The following ADAMTS9 variants were observed in gnomAD, a reference collection of about 807,000 sequenced individuals.
The protein encoded by ADAMTS9 is ADAM metallopeptidase with thrombospondin type 1 motif 9.
ADAMTS9 carries 107 observed loss-of-function variants against 257.1 expected under a neutral mutation model. The observed-to-expected ratio is 0.42, with a 90% CI of 0.36 to 0.49. The LOEUF (loss-of-function observed/expected upper bound fraction) is 0.49, where lower values mean the gene tolerates loss of function less well. Ranked by LOEUF, ADAMTS9 falls within the 20% of genes least tolerant of loss-of-function variation. The pLI is 0.03. For synonymous variants in ADAMTS9, 982 were observed against 880.9 expected, an observed-to-expected ratio of 1.11 and a Z score of -2.03; for missense variants, 2,353 against 2,469.1, an observed-to-expected ratio of 0.95 and a Z score of 1.00.
intron 11 of ADAMTS9, among the ~76,000 whole-genome samples, chr3:64,644,161 G>T (rs112672298): frequency 6.7e-4 from 102 of 152,308 alleles, no homozygotes; most frequent in African/African-American, 2.5e-3. Context: ...CATGTACACT[G>T]CACTTAATAT....
In ADAMTS9 at chr3:64,686,554, G is replaced by C. The variant is rs1341289997; in HGVS notation, c.516+14C>G. On this transcript the variant is annotated intron_variant, in intron 2 of 39. Coordinates refer to ENST00000498707, the MANE Select transcript of ADAMTS9 (RefSeq NM_182920.2). The surrounding 1 kb of genome is among the most constrained non-coding windows in gnomAD (Gnocchi z 4.6). ...GAGGCGGAAGGGGAGAGGAGGTGGC[G>C]CGCGCCCACTTACCATTCCTGAGCA... The C allele has an allele frequency of 6.3e-7, 1 of 1,584,954 alleles. No homozygotes were observed. The highest frequency in any genetic ancestry group is 1.8e-5 in the Admixed American group (1 of 56,560).
intron 3 of ADAMTS9, among the ~76,000 whole-genome samples, chr3:64,673,007 G>T (rs1053560104): frequency 3.0e-5 from 4 of 132,418 alleles, no homozygotes; most frequent in Admixed American, 2.8e-4. Context: ...TACTGTACAG[G>T]TCTGTAGCCT....
intron 31 of ADAMTS9, 61 bp downstream of exon 31, chr3:64,550,831 T>C: frequency 1.9e-6 from 3 of 1,597,006 alleles, no homozygotes; most frequent in Non-Finnish European, 2.6e-6. Flanking sequence ...CCTCCACTCA[T>C]CCCTCTGCCA....
In ADAMTS9 at chr3:64,608,666, T is replaced by G. The variant is rs545007113; in HGVS notation, c.3355-1587A>C. On this transcript the variant is annotated intron_variant, in intron 22 of 39. Coordinates refer to ENST00000498707, the MANE Select transcript of ADAMTS9 (RefSeq NM_182920.2). ...TTAATCAAAGTCTTCCTCAAAAAGT[T>G]TGTACCAGTTCACTCATGAATTTTA... 5.9e-5 allele frequency among the ~76,000 whole-genome samples: 9 copies of G among 152,216 alleles called. No individual in the cohort carries two copies. The South Asian group carries it at 1.9e-3, about 32-fold the overall frequency.
chr3:64,622,703 G>A lies in ADAMTS9; in HGVS notation c.2390-117C>T, dbSNP rs1334626861. The stretch of plus-strand genomic sequence containing the variant: ...CTGTGCACGGAATGGGGACTTTTGA[G>A]GCAGACAGGCATGGCTTCAAGTCCC... On this transcript the variant is annotated intron_variant, in intron 16 of 39. Coordinates refer to ENST00000498707, the MANE Select transcript of ADAMTS9 (RefSeq NM_182920.2). The A allele has an allele frequency of 8.2e-6, 9 of 1,101,798 alleles. No individual in the cohort carries two copies. The East Asian group carries it at 1.5e-4, about 19-fold the overall frequency. The allele number at this position is 1,101,798 out of a possible 1,614,324, so 68.3% of individuals were successfully genotyped here.
chr3:64,649,568 T>C, intron 10 of ADAMTS9, 69 bp downstream of exon 10: 2 of 1,506,038 alleles, frequency 1.3e-6, no homozygotes, highest in Non-Finnish European at 1.8e-6. Context: ...TAGAATGCAA[T>C]GGAAAACTAT....
At chr3:64,522,131 C>T (rs773651132) in intron 39 of ADAMTS9, 35 bp downstream of exon 39, 2 of 1,589,938 alleles carry the variant, frequency 1.3e-6, no homozygotes, top group Admixed American at 1.7e-5. Flanking sequence ...AAATAAAAGA[C>T]AAATACACAG....
rs567241139 is a variant in ADAMTS9, at chr3:64,597,007, G to A, written c.4018-16C>T. The stretch of plus-strand genomic sequence containing the variant: ...TACTGGAACACTAAACACATCAGTC[G>A]ACAAGTTAATCCCCACCTCAATCTC... On this transcript the variant is annotated splice_polypyrimidine_tract_variant and intron_variant, in intron 26 of 39. Coordinates refer to ENST00000498707, the MANE Select transcript of ADAMTS9 (RefSeq NM_182920.2). 5 of 1,613,086 alleles carry A rather than the reference G, an allele frequency of 3.1e-6. No individual in the cohort carries two copies. In the Admixed American group the frequency reaches 5.0e-5, roughly 16 times the overall value.
rs77108500 is a variant in ADAMTS9, at chr3:64,607,972, G to C, written c.3355-893C>G. Among the ~76,000 whole-genome samples the C allele has an allele frequency of 3.3e-3, 504 of 152,184 alleles. 12 individuals carry two copies. The East Asian group carries it at 0.044, about 13-fold the overall frequency. On this transcript the variant is annotated intron_variant, in intron 22 of 39. Coordinates refer to ENST00000498707, the MANE Select transcript of ADAMTS9 (RefSeq NM_182920.2). ...GGAGTGAGGCAAGAAATCGGTAATAGAAGAAAAACTAGAAAATTCACAAAT... is the reference window on the plus strand; with the variant it reads ...GGAGTGAGGCAAGAAATCGGTAATACAAGAAAAACTAGAAAATTCACAAAT...
At chr3:64,669,924 A>T (rs1400437784) in intron 3 of ADAMTS9, among the ~76,000 whole-genome samples, 1 of 152,214 alleles carries the variant, frequency 6.6e-6, no homozygotes, top group Non-Finnish European at 1.5e-5. Flanking sequence ...AATAACATGA[A>T]ATGTAAGAAT....
intron 12 of ADAMTS9, among the ~76,000 whole-genome samples, chr3:64,636,072 A>T (rs1318678508): frequency 8.3e-6 from 1 of 120,600 alleles, no homozygotes; most frequent in Admixed American, 8.3e-5. Context: ...TTGAACATAA[A>T]GTTTTTTAAA....
rs1326677535 is a variant in ADAMTS9, at chr3:64,602,270, T to C, written c.3748-57A>G. 3.2e-6 allele frequency: 5 copies of C among 1,577,494 alleles called. No homozygotes were observed. The South Asian group carries it at 3.5e-5, about 11-fold the overall frequency. Reference sequence around the variant, plus strand: ...AGTCATTTGGTGGAGGGGTTGACAATTCCTGAATGTGCATTTCTGTAAATG... The same window carrying C: ...AGTCATTTGGTGGAGGGGTTGACAACTCCTGAATGTGCATTTCTGTAAATG... On this transcript the variant is annotated intron_variant, in intron 25 of 39. Coordinates refer to ENST00000498707, the MANE Select transcript of ADAMTS9 (RefSeq NM_182920.2).
rs2084509800 is a variant in ADAMTS9, at chr3:64,603,892, C to T, written c.3747+30G>A. 15 of 1,609,924 alleles carry T rather than the reference C, an allele frequency of 9.3e-6. 1 individual carries two copies. The South Asian group carries it at 1.7e-4, about 18-fold the overall frequency. On this transcript the variant is annotated intron_variant, in intron 25 of 39. Transcript: ENST00000498707. ...ATAGCCCTCAATGTTTCCCCCATTC[C>T]CCCTAATTCCAAATAATCCACTGGC...
chr3:64,608,416 G>A (rs2084603063), intron 22 of ADAMTS9, among the ~76,000 whole-genome samples: 1 of 151,880 alleles, frequency 6.6e-6, no homozygotes, highest in Middle Eastern at 3.4e-3. Flanking sequence ...TAGCTAGCAC[G>A]ACTAAGAAAA....
intron 28 of ADAMTS9, among the ~76,000 whole-genome samples, chr3:64,574,975 T>A (rs918881743): frequency 6.6e-6 from 1 of 152,228 alleles, no homozygotes; most frequent in Non-Finnish European, 1.5e-5. Context: ...ACACCTTTAG[T>A]GCCTGTGAAG....
intron 28 of ADAMTS9, among the ~76,000 whole-genome samples, chr3:64,586,060 C>A (rs1304180605): frequency 6.6e-6 from 1 of 152,082 alleles, no homozygotes; most frequent in Non-Finnish European, 1.5e-5. Context: ...TTGGCTTAAA[C>A]CACTAGCTTA....
chr3:64,633,631 C>A, intron 13 of ADAMTS9, 23 bp from the exon 14 acceptor site: 1 of 1,614,032 alleles, frequency 6.2e-7, no homozygotes, highest in South Asian at 1.1e-5. Flanking sequence ...AACAATACAA[C>A]TTGACTTTTG....
At chr3:64,653,392 G>C (rs1268715139) in intron 8 of ADAMTS9, among the ~76,000 whole-genome samples, 1 of 152,166 alleles carries the variant, frequency 6.6e-6, no homozygotes, top group Non-Finnish European at 1.5e-5. Flanking sequence ...ATTTCCTCTG[G>C]AGAAAAGAAA....
At chr3:64,632,376 T>C (rs1700387810) in intron 14 of ADAMTS9, among the ~76,000 whole-genome samples, 1 of 152,206 alleles carries the variant, frequency 6.6e-6, no homozygotes, top group Non-Finnish European at 1.5e-5. Flanking sequence ...TCCAGACTAT[T>C]GCTGCCATGA....
Sources: gnomAD v4.1 joint callset for allele counts (sites outside exome capture counted in the v4.1 genomes callset) on GRCh38, gnomAD v4.1.1 for gene constraint, Gnocchi (gnomAD v3.1) non-coding constraint, MANE v1.5 for transcripts, NCBI Gene and HGNC (gene_info 2026-07-23, HGNC 2026-07-21) for gene names.